SRPK2: variants seen among roughly 807,000 people sequenced by gnomAD.
SRPK2 encodes SFRS protein kinase 2.
SRPK2 carries 21 observed loss-of-function variants against 90.8 expected under a neutral mutation model. That is an observed-to-expected ratio of 0.23 (90% CI 0.16 to 0.33). The LOEUF (loss-of-function observed/expected upper bound fraction) is 0.33, where lower values mean the gene tolerates loss of function less well. Ranked by LOEUF, SRPK2 falls within the 10% of genes least tolerant of loss-of-function variation. The pLI, the probability that SRPK2 is intolerant of heterozygous loss-of-function variation, is 1.00. For synonymous variants in SRPK2, 288 were observed against 311.1 expected (o/e 0.93, Z 0.78); for missense variants, 620 against 869.0 (o/e 0.71, Z 3.60).
chr7:105,154,343 C>T (rs957984578), intron 7 of SRPK2, among the ~76,000 whole-genome samples: 3 of 152,186 alleles, frequency 2.0e-5, no homozygotes, highest in African/African-American at 7.2e-5. Flanking sequence ...AATACAGCAT[C>T]GTGTGCACTA....
At chr7:105,161,652 C>T (rs945297276) in intron 6 of SRPK2, among the ~76,000 whole-genome samples, 1 of 152,182 alleles carries the variant, frequency 6.6e-6, no homozygotes, top group African/African-American at 2.4e-5. Context: ...TAGGAACTGA[C>T]ATGAAACAAA....
intron 2 of SRPK2, among the ~76,000 whole-genome samples, chr7:105,375,983 CTTTTTTTTTTTT>C (rs34445430): frequency 2.1e-4 from 13 of 63,176 alleles, no homozygotes; most frequent in African/African-American, 7.4e-4. Context: ...GAATTCATTT[CTTTTTTTTTTTT>C]TTTTTTTTTT....
intron 13 of SRPK2, among the ~76,000 whole-genome samples, chr7:105,131,661 T>C (rs1325148514): frequency 1.3e-5 from 2 of 152,192 alleles, no homozygotes; most frequent in Non-Finnish European, 2.9e-5. Context: ...ACAATGCTTT[T>C]ACTTGAGCAT....
At chr7:105,275,292 T>C (rs1239134342) in intron 2 of SRPK2, among the ~76,000 whole-genome samples, 1 of 152,224 alleles carries the variant, frequency 6.6e-6, no homozygotes, top group African/African-American at 2.4e-5. Flanking sequence ...TTTAAAATGC[T>C]ATTTTCTTTT....
chr7:105,337,259 C>T (rs1815204796), intron 2 of SRPK2, among the ~76,000 whole-genome samples: 2 of 151,786 alleles, frequency 1.3e-5, no homozygotes, highest in Admixed American at 6.6e-5. Flanking sequence ...AAGGTGGGGC[C>T]TTTGGCAGGT....
upstream of SRPK2, among the ~76,000 whole-genome samples, chr7:105,389,663 G>C (rs1822092038): frequency 6.6e-6 from 1 of 152,190 alleles, no homozygotes; most frequent in South Asian, 2.1e-4. Flanking sequence ...TGAGGAAACT[G>C]AGTCCCAACG....
intron 2 of SRPK2, among the ~76,000 whole-genome samples, chr7:105,302,894 A>G (rs1420641096): frequency 6.6e-6 from 1 of 151,994 alleles, no homozygotes; most frequent in Non-Finnish European, 1.5e-5. Flanking sequence ...GATTTTAATG[A>G]AATCCTACTT....
intron 2 of SRPK2, among the ~76,000 whole-genome samples, chr7:105,361,448 T>C (rs1189355686): frequency 6.6e-6 from 1 of 152,202 alleles, no homozygotes; most frequent in African/African-American, 2.4e-5. Context: ...TACCAATTAC[T>C]TTCTTCACAG....
At chr7:105,196,052 G>C (rs1470939996) in intron 3 of SRPK2, among the ~76,000 whole-genome samples, 1 of 152,182 alleles carries the variant, frequency 6.6e-6, no homozygotes, top group Non-Finnish European at 1.5e-5. Flanking sequence ...GAACTCACCT[G>C]TCATGCTATT....
At chr7:105,396,316 CAAT>C (rs1192087509) in intron 1 of SRPK2, among the ~76,000 whole-genome samples, 1 of 151,772 alleles carries the variant, frequency 6.6e-6, no homozygotes, top group African/African-American at 2.4e-5. Context: ...CCAGCCTGAA[CAAT>C]GAGACCATAC....
At chr7:105,246,216 G>C (rs35510177) in intron 2 of SRPK2, among the ~76,000 whole-genome samples, 5 of 152,116 alleles carry the variant, frequency 3.3e-5, no homozygotes, top group Non-Finnish European at 5.9e-5. Flanking sequence ...GTTACACACA[G>C]AGTAATTTCT....
At chr7:105,279,962 T>G (rs1197776744) in intron 2 of SRPK2, among the ~76,000 whole-genome samples, 1 of 152,208 alleles carries the variant, frequency 6.6e-6, no homozygotes, top group Non-Finnish European at 1.5e-5. Flanking sequence ...TATATGAATA[T>G]CATTTATTTT....
At chr7:105,171,125 AG>A (rs1171150416) in intron 3 of SRPK2, among the ~76,000 whole-genome samples, 2 of 152,048 alleles carry the variant, frequency 1.3e-5, no homozygotes, top group African/African-American at 4.8e-5. Context: ...AATCAGCTAT[AG>A]AGGGCACCCT....
At chr7:105,204,459 A>G (rs188637928) in intron 2 of SRPK2, 8 of 325,810 alleles carry the variant, frequency 2.5e-5, no homozygotes, top group African/African-American at 1.1e-4. Context: ...AGAATGGTTC[A>G]TAATGGGATT....
intron 2 of SRPK2, chr7:105,304,198 C>T (rs1181956613): frequency 6.6e-6 from 1 of 152,172 alleles, no homozygotes; most frequent in Non-Finnish European, 1.5e-5. Flanking sequence ...TTAACTGTGG[C>T]TTAGAAACTA....
intron 2 of SRPK2, among the ~76,000 whole-genome samples, chr7:105,319,279 T>G (rs753248871): frequency 7.2e-5 from 11 of 152,038 alleles, no homozygotes; most frequent in Non-Finnish European, 1.2e-4. Flanking sequence ...ATAATCAAAA[T>G]GGAATAATCT....
chr7:105,154,134 C>T (rs1233391629), intron 7 of SRPK2, among the ~76,000 whole-genome samples: 1 of 152,240 alleles, frequency 6.6e-6, no homozygotes, highest in Non-Finnish European at 1.5e-5. Context: ...TTTCTTTCAT[C>T]TCTAACTGGT....
intron 2 of SRPK2, among the ~76,000 whole-genome samples, chr7:105,297,737 A>ATTTT (rs202204947): frequency 1.7e-5 from 2 of 120,098 alleles, no homozygotes; most frequent in African/African-American, 3.2e-5. Flanking sequence ...TAAGCTGTAA[A>ATTTT]TTTTTTTTTT....
chr7:105,341,691 G>A (rs1462709006), intron 2 of SRPK2, among the ~76,000 whole-genome samples: 4 of 151,968 alleles, frequency 2.6e-5, no homozygotes, highest in African/African-American at 7.2e-5. Flanking sequence ...AACAGGGGAC[G>A]GGAGTGGTGG....
Sources: allele counts gnomAD v4.1 joint callset (sites outside exome capture counted in the v4.1 genomes callset), GRCh38; gene constraint gnomAD v4.1.1; transcripts MANE v1.5; gene names NCBI Gene and HGNC (gene_info 2026-07-23, HGNC 2026-07-21).